CFAP47: variants seen among roughly 807,000 people sequenced by gnomAD.
The protein encoded by CFAP47 is cilia and flagella associated protein 47.
CFAP47 carries 29 observed loss-of-function variants against 148.1 expected under a neutral mutation model. That is an observed-to-expected ratio of 0.20 (90% CI 0.15 to 0.27). CFAP47 has a LOEUF of 0.27. CFAP47 is among the 10% of genes least tolerant of loss of function. The probability of loss-of-function intolerance (pLI) is 1.00; values close to 1 mark genes in which losing one functional copy is unlikely to be tolerated. For synonymous variants in CFAP47, 664 were observed against 577.3 expected, an observed-to-expected ratio of 1.15 and a Z score of -2.15; for missense variants, 1,872 against 1,697.5, an observed-to-expected ratio of 1.10 and a Z score of -1.81.
intron 46 of CFAP47, among the ~76,000 whole-genome samples, chrX:36,232,255 G>T (rs1455038931): frequency 1.9e-4 from 21 of 111,531 alleles, no homozygotes; most frequent in East Asian, 5.6e-4. Flanking sequence ...GACTCTTTTT[G>T]GTTGGTAAGC....
intron 55 of CFAP47, among the ~76,000 whole-genome samples, chrX:36,307,133 A>G (rs1419421640): frequency 3.0e-4 from 34 of 111,504 alleles, no homozygotes; most frequent in African/African-American, 1.1e-3. Flanking sequence ...ATTTCAATGT[A>G]CATATCAAAT....
At chrX:35,962,930 T>C in intron 8 of CFAP47, among the ~76,000 whole-genome samples, 1 of 74,826 alleles carries the variant, frequency 1.3e-5, no homozygotes, top group South Asian at 5.5e-4. Context: ...AAATGTGGTG[T>C]GTGTGTGTGT....
intron 56 of CFAP47, 149 bp downstream of exon 56, chrX:36,311,138 G>A: frequency 8.2e-6 from 3 of 367,080 alleles, no homozygotes; most frequent in Non-Finnish European, 1.4e-5. Flanking sequence ...AGATTTGAGA[G>A]ACGCAGTATT....
intron 62 of CFAP47, among the ~76,000 whole-genome samples, chrX:36,373,319 T>C (rs1941990034): frequency 9.0e-6 from 1 of 111,602 alleles, no homozygotes; most frequent in African/African-American, 3.2e-5. Context: ...ACTTTCTTGA[T>C]TTCTTCTTGG....
rs191100737 is a variant in CFAP47, at chrX:36,191,122, A to C, written c.6321+926A>C. On this transcript the variant is annotated intron_variant, in intron 42 of 63. Coordinates refer to ENST00000378653, the MANE Select transcript of CFAP47 (RefSeq NM_001304548.2). ...AAGGAAAAAAATGCCTTTTTATAGT[A>C]ATGCTGAAACTTGTTTGTTAAATTC... Among the ~76,000 whole-genome samples, 127 of 111,851 alleles carry C rather than the reference A, an allele frequency of 1.1e-3. 1 individual carries two copies. Among genetic ancestry groups the C allele is most frequent in the Non-Finnish European group, 2.0e-3 (104 of 53,146 alleles).
intron 33 of CFAP47, among the ~76,000 whole-genome samples, chrX:36,135,479 A>T (rs987977161): frequency 9.0e-6 from 1 of 111,690 alleles, no homozygotes; most frequent in Non-Finnish European, 1.9e-5. Flanking sequence ...ACGACTATTG[A>T]TTCACACAAC....
At chrX:36,167,525 G>A (rs1236294870) in intron 39 of CFAP47, among the ~76,000 whole-genome samples, 4 of 111,428 alleles carry the variant, frequency 3.6e-5, no homozygotes, top group Non-Finnish European at 7.5e-5. Flanking sequence ...TGCCACACTC[G>A]TGAGAGCTTC....
At chrX:36,039,438 A>G (rs1006907598) in intron 25 of CFAP47, among the ~76,000 whole-genome samples, 2 of 112,500 alleles carry the variant, frequency 1.8e-5, no homozygotes, top group Non-Finnish European at 3.8e-5. Flanking sequence ...AAAATTCAAT[A>G]TATTAGTTTT....
At chrX:36,134,479 TATA>T (rs1379423156) in intron 33 of CFAP47, among the ~76,000 whole-genome samples, 2 of 110,717 alleles carry the variant, frequency 1.8e-5, no homozygotes, top group Admixed American at 9.7e-5. Flanking sequence ...TCTACACAAA[TATA>T]ATCAACTGGG....
intron 35 of CFAP47, among the ~76,000 whole-genome samples, chrX:36,140,728 C>T (rs1939124566): frequency 8.9e-6 from 1 of 111,906 alleles, no homozygotes; most frequent in Admixed American, 9.5e-5. Context: ...ATTATTAATG[C>T]TTAAGTTTCT....
intron 21 of CFAP47, among the ~76,000 whole-genome samples, chrX:36,014,570 T>A (rs753204132): frequency 1.8e-5 from 2 of 111,345 alleles, no homozygotes; most frequent in East Asian, 5.6e-4. Flanking sequence ...TAAGAATTAT[T>A]TTAAAAATTT....
At chrX:36,060,700 G>T (rs1296778765) in intron 26 of CFAP47, among the ~76,000 whole-genome samples, 2 of 111,145 alleles carry the variant, frequency 1.8e-5, no homozygotes, top group Admixed American at 1.9e-4. Flanking sequence ...GGACTTAGGG[G>T]GATTTAGAAC....
intron 57 of CFAP47, among the ~76,000 whole-genome samples, chrX:36,329,701 T>G (rs782336687): frequency 1.8e-5 from 2 of 111,894 alleles, no homozygotes; most frequent in Non-Finnish European, 3.8e-5. Flanking sequence ...GCATAGTATA[T>G]AATTTCTATA....
Position 36,046,834 on chromosome X carries a change from A to G in CFAP47, c.4008-20A>G. 2 of 1,063,593 alleles carry G rather than the reference A, an allele frequency of 1.9e-6. No individual in the cohort carries two copies. The highest frequency in any genetic ancestry group is 3.0e-5 in the Admixed American group (1 of 33,675). 87.7% of individuals were successfully genotyped at this position (1,063,593 alleles called of 1,213,427 possible). A position where few individuals can be genotyped will look rare whatever the true frequency, so the allele number is the denominator to read the frequency against. ...GGCAGGTATTTTGAGCTAATGAAAC[A>G]TTTTTTTTATTTTAAACAGAAATTC... On this transcript the variant is annotated intron_variant, in intron 25 of 63. Coordinates refer to ENST00000378653, the MANE Select transcript of CFAP47 (RefSeq NM_001304548.2).
intron 26 of CFAP47, among the ~76,000 whole-genome samples, chrX:36,056,193 C>T (rs532183688): frequency 1.3e-4 from 14 of 111,494 alleles, no homozygotes; most frequent in African/African-American, 2.9e-4. Context: ...GTGGTTCCTA[C>T]TGGATGAAAC....
At chrX:36,131,283 A>G (rs1420502166) in intron 33 of CFAP47, among the ~76,000 whole-genome samples, 8 of 111,329 alleles carry the variant, frequency 7.2e-5, no homozygotes, top group Non-Finnish European at 5.7e-5. Context: ...CGGAAACCTC[A>G]TGTGTTGCTA....
At chrX:35,980,367 A>G (rs1390056731) in intron 15 of CFAP47, among the ~76,000 whole-genome samples, 2 of 111,475 alleles carry the variant, frequency 1.8e-5, no homozygotes, top group Admixed American at 9.6e-5. Flanking sequence ...ACTGCTTTCA[A>G]CTCTTCTCAG....
intron 29 of CFAP47, among the ~76,000 whole-genome samples, chrX:36,084,090 T>C (rs1417801542): frequency 1.8e-5 from 2 of 111,186 alleles, no homozygotes; most frequent in Non-Finnish European, 3.8e-5. Flanking sequence ...GATTTCTTAA[T>C]TTTATTTATT....
chrX:36,319,283 T>C lies in CFAP47; in HGVS notation c.8419T>C (p.Phe2807Leu). The C allele has an allele frequency of 9.1e-7, 1 of 1,093,195 alleles. No homozygotes were observed. The highest frequency in any genetic ancestry group is 1.2e-6 in the Non-Finnish European group (1 of 816,350). The allele number at this position is 1,093,195 out of a possible 1,213,427, so 90.1% of individuals were successfully genotyped here. The part of the protein sequence containing the change: ...SFIYESSAFR[F>L]SSPSEIQGIA... ...CATCTATGAGAGTTCTGCCTTCAGA[T>C]TTAGTTCTCCGAGTGAAATACAAGG... Residue 2807 changes from phenylalanine (F) to leucine (L), a missense_variant, in exon 57 of 64, where the codon TTT (phenylalanine) becomes CTT (leucine). By Grantham distance (22) the Phe-to-Leu change is conservative. Coordinates refer to ENST00000378653, the MANE Select transcript of CFAP47 (RefSeq NM_001304548.2).
Sources: gnomAD v4.1 joint callset for allele counts (sites outside exome capture counted in the v4.1 genomes callset) on GRCh38, gnomAD v4.1.1 for gene constraint, MANE v1.5 for transcripts, NCBI Gene and HGNC (gene_info 2026-07-23, HGNC 2026-07-21) for gene names.